The following TOP1MT variants were observed in gnomAD, a reference collection of about 807,000 sequenced individuals.
TOP1MT encodes DNA topoisomerase I mitochondrial.
Under a neutral mutation model 73.9 loss-of-function variants are expected in TOP1MT, and 80 were observed. That is an observed-to-expected ratio of 1.08 (90% CI 0.90 to 1.30). The LOEUF is 1.30. Ranked by LOEUF, TOP1MT falls within the 50% of genes most tolerant of loss-of-function variation. TOP1MT has a pLI of 0.00. For missense variants in TOP1MT, 815 were observed against 808.0 expected (o/e 1.01, Z -0.10); for synonymous variants, 338 against 326.4 (o/e 1.04, Z -0.38).
chr8:143,321,885 CCA>C (rs1192034465), intron 7 of TOP1MT, among the ~76,000 whole-genome samples: 9 of 93,198 alleles, frequency 9.7e-5, no homozygotes, highest in Non-Finnish European at 1.1e-4. Context: ...CACACGCACG[CCA>C]CACACAGGCA....
At chr8:143,354,298 C>T (rs1033999730) in intron 1 of TOP1MT, among the ~76,000 whole-genome samples, 7 of 151,768 alleles carry the variant, frequency 4.6e-5, no homozygotes, top group African/African-American at 1.7e-4. Context: ...AAGCCAGGCA[C>T]AAAAGGAAAA....
upstream of TOP1MT, among the ~76,000 whole-genome samples, chr8:143,338,257 T>C (rs1204233014): frequency 6.6e-6 from 1 of 152,032 alleles, no homozygotes; most frequent in Non-Finnish European, 1.5e-5. Context: ...AACAACAGGC[T>C]CCATCTCTTA....
At chr8:143,321,436 A>G in intron 7 of TOP1MT, 50 bp from the exon 8 acceptor site, 3 of 1,425,732 alleles carry the variant, frequency 2.1e-6, no homozygotes, top group Non-Finnish European at 2.8e-6. Context: ...CACGCACGCC[A>G]CACACACGCA....
chr8:143,318,807 C>T (rs754288563), intron 8 of TOP1MT, among the ~76,000 whole-genome samples: 1 of 152,226 alleles, frequency 6.6e-6, no homozygotes, highest in Non-Finnish European at 1.5e-5. Context: ...TACAAACCCA[C>T]AGGCACCGGG....
chr8:143,348,927 C>T (rs1332093279), upstream of TOP1MT, among the ~76,000 whole-genome samples: 1 of 151,316 alleles, frequency 6.6e-6, no homozygotes, highest in African/African-American at 2.4e-5. This position sits in a 1 kb window ranked among gnomAD's most constrained non-coding sequence, Gnocchi z 4.6. Flanking sequence ...CTGCCAAACC[C>T]ACTTGAGCAT....
At chr8:143,348,322 G>C (rs2130447371), upstream of TOP1MT, among the ~76,000 whole-genome samples, 1 of 152,280 alleles carries the variant, frequency 6.6e-6, no homozygotes, top group African/African-American at 2.4e-5. This position sits in a 1 kb window ranked among gnomAD's most constrained non-coding sequence, Gnocchi z 4.6. Context: ...GACCACCTGG[G>C]GCAACAAGAG....
intron 2 of TOP1MT, among the ~76,000 whole-genome samples, chr8:143,342,327 G>GTT (rs1554622714): frequency 7.9e-6 from 1 of 125,922 alleles, no homozygotes; most frequent in Non-Finnish European, 1.6e-5. Context: ...ACAGAGTCTC[G>GTT]CTGTTATTAT....
Position 143,322,585 on chromosome 8 carries a change from CGCCACACACATGCAG to C in TOP1MT, c.961-1214_961-1200del, listed in dbSNP as rs1429908003. Among the ~76,000 whole-genome samples, 19 of 130,190 alleles carry C rather than the reference CGCCACACACATGCAG, an allele frequency of 1.5e-4. 1 individual carries two copies. The highest frequency in any genetic ancestry group is 6.1e-4 in the Admixed American group (8 of 13,150). The allele number at this position is 130,190 out of a possible 152,430, so 85.4% of individuals were successfully genotyped here. A position where few individuals can be genotyped will look rare whatever the true frequency, so the allele number is the denominator to read the frequency against. On this transcript the variant is annotated intron_variant, in intron 7 of 13. Transcript: ENST00000329245. ...CACACAGACACGCCACACACATGCA[CGCCACACACATGCAG>C]GCCACACACATGCATGCCACACAGG...
chr8:143,309,520 A>G lies in TOP1MT; in HGVS notation c.1727T>C (p.Val576Ala). The G allele has an allele frequency of 6.2e-7, 1 of 1,613,936 alleles. No individual in the cohort carries two copies. Among genetic ancestry groups the G allele is most frequent in the African/African-American group, 1.3e-5 (1 of 75,026 alleles). ...CTGTGTTTTGCTGTAGATCTTCTCC[A>G]CTGGCACCCTGAACCGCTTGCACCT... ...IAWCKRFRVP[V>A]EKIYSKTQRE... The change falls in exon 14 of 14, where the codon GTG becomes GCG. Residue 576 changes from valine to alanine, a missense_variant. Physicochemically the swap from Val to Ala is moderately conservative, Grantham distance 64 (BLOSUM62 0). Around this residue, in one of 3 missense-constraint regions of TOP1MT, gnomAD observed 751 missense variants for 725.4 expected, o/e 1.04. Transcript: ENST00000329245.
rs541632253 is a variant in TOP1MT at position 143,321,238 on chromosome 8, C to T, written c.1109G>A (p.Cys370Tyr). ...CGGCACTCTGTTGTAGTAGCGGATG[C>T]AGTCCTTCCCCAGGAAGTCAAATTC... ...VVEFDFLGKDCIRYYNRVPVE... is the reference protein window; with the variant it reads ...VVEFDFLGKDYIRYYNRVPVE... Residue 370 changes from cysteine to tyrosine, a missense_variant, in exon 8 of 14, where the codon TGC becomes TAC. Cys to Tyr is a radical substitution (Grantham distance 194). Around this residue, in one of 3 missense-constraint regions of TOP1MT, gnomAD observed 751 missense variants for 725.4 expected, o/e 1.04. Transcript: ENST00000329245. The T allele has an allele frequency of 3.4e-4, 549 of 1,611,282 alleles. 12 individuals are homozygous for T. The South Asian group carries it at 5.7e-3, about 17-fold the overall frequency.
At chr8:143,331,173 G>GC in intron 2 of TOP1MT, 51 bp downstream of exon 2, 1 of 1,457,506 alleles carries the variant, frequency 6.9e-7, no homozygotes, top group Non-Finnish European at 9.5e-7. Flanking sequence ...GGGAGCCCAC[G>GC]CCCAGGGAAC....
chr8:143,334,883 C>T (rs764184918), upstream of TOP1MT: 408 of 1,417,766 alleles, frequency 2.9e-4, 1 homozygote, highest in Non-Finnish European at 3.6e-4. Flanking sequence ...CGGGAAAGAG[C>T]GACAAGCTGG....
intron 7 of TOP1MT, 63 bp from the exon 8 acceptor site, chr8:143,321,449 C>A: frequency 7.3e-7 from 1 of 1,379,186 alleles, no homozygotes; most frequent in Non-Finnish European, 9.8e-7. Flanking sequence ...CACACGCACG[C>A]CACACACACG....
chr8:143,355,446 A>G (rs1383776526), intron 1 of TOP1MT: 1 of 152,248 alleles, frequency 6.6e-6, no homozygotes, highest in Non-Finnish European at 1.5e-5. Context: ...TGCGGGACAC[A>G]GAAAGCTATT....
intron 7 of TOP1MT, among the ~76,000 whole-genome samples, chr8:143,321,751 CCACAAACACAGGCACGCCA>C (rs1816392705): frequency 7.5e-6 from 1 of 133,072 alleles, no homozygotes; most frequent in Admixed American, 7.7e-5. Flanking sequence ...CACACGCACG[CCACAAACACAGGCACGCCA>C]CACACACGCA....
At position 143,321,272 on chromosome 8, in the gene TOP1MT, G is replaced by A; in HGVS notation, c.1075C>T (p.His359Tyr). ...QLHPEADGCQHVVEFDFLGKD... is the reference protein window; with the variant it reads ...QLHPEADGCQYVVEFDFLGKD... ...CCCAGGAAGTCAAATTCCACCACGTGTTGGCAGCCATCGGCCTCCGGGTGC... is the reference window on the plus strand; with the variant it reads ...CCCAGGAAGTCAAATTCCACCACGTATTGGCAGCCATCGGCCTCCGGGTGC... Residue 359 changes from histidine (H) to tyrosine (Y), a missense_variant, in exon 8 of 14, where the codon CAC (histidine) becomes TAC (tyrosine). By Grantham distance (83) the His-to-Tyr change is moderately conservative. This residue lies in a region of TOP1MT where 751 missense variants were observed against 725.4 expected (regional missense o/e 1.04). Transcript: ENST00000329245. 6.2e-7 allele frequency: 1 copy of A among 1,612,660 alleles called. No homozygotes were observed. Among genetic ancestry groups the A allele is most frequent in the Non-Finnish European group, 8.5e-7 (1 of 1,179,244 alleles).
At chr8:143,355,118 C>A (rs573300382) in intron 1 of TOP1MT, among the ~76,000 whole-genome samples, 2 of 152,090 alleles carry the variant, frequency 1.3e-5, no homozygotes, top group African/African-American at 4.8e-5. Context: ...CAGGAGAGTG[C>A]GGAAGCGGCA....
chr8:143,350,071 G>A (rs1817295524), intron 1 of TOP1MT: 1 of 152,186 alleles, frequency 6.6e-6, no homozygotes, highest in African/African-American at 2.4e-5. Context: ...TCTCCCCACT[G>A]GGTTATTCTG....
At chr8:143,310,468 G>C (rs931652459) in intron 12 of TOP1MT, 4 of 378,516 alleles carry the variant, frequency 1.1e-5, no homozygotes, top group Non-Finnish European at 1.9e-5. Context: ...TGACTCGCAG[G>C]AGGGTGAGAT....
Sources: gnomAD v4.1 joint callset for allele counts (sites outside exome capture counted in the v4.1 genomes callset) on GRCh38, gnomAD v4.1.1 for gene constraint, gnomAD v4.1.1 regional missense constraint, Gnocchi (gnomAD v3.1) non-coding constraint, MANE v1.5 for transcripts, NCBI Gene and HGNC (gene_info 2026-07-23, HGNC 2026-07-21) for gene names.